The following SCIMP variants were observed in gnomAD, a reference collection of about 807,000 sequenced individuals.
The protein encoded by SCIMP is SLP adaptor and CSK interacting membrane protein, also known as SLP adapter and CSK-interacting membrane protein.
SCIMP carries 18 observed loss-of-function variants against 22.0 expected under a neutral mutation model. The ratio of observed to expected loss-of-function variants is 0.82; its 90% CI spans 0.56 to 1.21. The LOEUF (loss-of-function observed/expected upper bound fraction) is 1.21, where lower values mean the gene tolerates loss of function less well. SCIMP is among the 50% of genes most tolerant of loss of function. SCIMP has a pLI of 0.00. For missense variants in SCIMP, 155 were observed against 171.2 expected (o/e 0.91, Z 0.53); for synonymous variants, 53 against 62.2 (o/e 0.85, Z 0.70).
Position 5,209,517 on chromosome 17 carries a change from A to T in SCIMP, c.*1284T>A, listed in dbSNP as rs1166533068. On this transcript the variant is annotated 3_prime_UTR_variant, in exon 5 of 5. Transcript: ENST00000574081. ...GAGAAAGCTTGAAAATGGGAGGAAC[A>T]CATTTTCCCATCTCTTGAGGGAAAT... 2.0e-5 allele frequency: 3 copies of T among 152,258 alleles called. No homozygotes were observed. The East Asian group carries it at 5.8e-4, about 29-fold the overall frequency. 9.4% of individuals were successfully genotyped at this position (152,258 alleles called of 1,614,324 possible). A position where few individuals can be genotyped will look rare whatever the true frequency, so the allele number is the denominator to read the frequency against.
chr17:5,232,020 C>A (rs561525685), intron 1 of SCIMP, among the ~76,000 whole-genome samples: 9 of 151,864 alleles, frequency 5.9e-5, no homozygotes, highest in African/African-American at 1.9e-4. Flanking sequence ...TGCGCCACTG[C>A]ACTCCAGCCT....
chr17:5,231,850 C>G (rs571995878), intron 1 of SCIMP, among the ~76,000 whole-genome samples: 1 of 152,234 alleles, frequency 6.6e-6, no homozygotes, highest in African/African-American at 2.4e-5. Flanking sequence ...GTCAGGAGAT[C>G]AAGACCATCC....
chr17:5,225,024 A>C (rs1166705877), intron 1 of SCIMP, among the ~76,000 whole-genome samples: 1 of 152,318 alleles, frequency 6.6e-6, no homozygotes, highest in Non-Finnish European at 1.5e-5. Context: ...TCAAGAAGAG[A>C]GCACAAGTCA....
chr17:5,212,559 G>GGAAGC (rs2074533437), intron 4 of SCIMP, among the ~76,000 whole-genome samples: 2 of 152,022 alleles, frequency 1.3e-5, no homozygotes, highest in African/African-American at 4.8e-5. Flanking sequence ...GCATGAACTC[G>GGAAGC]GGAGGTGGAG....
At chr17:5,219,853 C>T (rs1342633095) in intron 3 of SCIMP, among the ~76,000 whole-genome samples, 4 of 152,150 alleles carry the variant, frequency 2.6e-5, no homozygotes, top group African/African-American at 9.7e-5. Context: ...TGAGGTTCTC[C>T]AGTCAGCAGT....
At position 5,229,358 on chromosome 17, in the gene SCIMP, A is replaced by T. The variant is rs115566205; in HGVS notation, c.21+5377T>A. 2.9e-3 allele frequency among the ~76,000 whole-genome samples: 410 copies of T among 140,788 alleles called. 5 individuals carry two copies. The highest frequency in any genetic ancestry group is 0.011 in the African/African-American group (391 of 37,166). The allele number at this position is 140,788 out of a possible 152,430, so 92.4% of individuals were successfully genotyped here. The stretch of plus-strand genomic sequence containing the variant: ...GAAATCACATTTTCCTTCACCAGGA[A>T]TTTCTGAGACTGTGGGTTTATTTAG... On this transcript the variant is annotated intron_variant, in intron 1 of 4. Coordinates refer to ENST00000574081, the MANE Select transcript of SCIMP (RefSeq NM_207103.3).
At chr17:5,212,594 A>C (rs945881361) in intron 4 of SCIMP, among the ~76,000 whole-genome samples, 21 of 152,208 alleles carry the variant, frequency 1.4e-4, no homozygotes, top group African/African-American at 5.1e-4. Flanking sequence ...AGATTGCGCC[A>C]CTGCACTCCA....
chr17:5,230,759 G>T (rs900323861), intron 1 of SCIMP, among the ~76,000 whole-genome samples: 3 of 151,718 alleles, frequency 2.0e-5, no homozygotes, highest in African/African-American at 7.3e-5. Flanking sequence ...TCTCTCTACT[G>T]AAAATAAAAA....
chr17:5,213,365 G>A (rs927677720), intron 4 of SCIMP: 3 of 389,718 alleles, frequency 7.7e-6, no homozygotes, highest in African/African-American at 2.2e-5. Context: ...CCCCACCTCA[G>A]CCTTCCAAGT....
At chr17:5,224,442 TTTTGTTTGTTTG>T (rs34816789) in intron 1 of SCIMP, among the ~76,000 whole-genome samples, 5,645 of 143,772 alleles carry the variant, frequency 0.039, 389 homozygotes, top group African/African-American at 0.14. Context: ...AGGCCAGTTT[TTTTGTTTGTTTG>T]TTTGTTTGTT....
At chr17:5,213,672 C>G (rs1051007094) in intron 4 of SCIMP, 1 of 152,054 alleles carries the variant, frequency 6.6e-6, no homozygotes, top group African/African-American at 2.4e-5. Context: ...TATGGTGAAA[C>G]CCCGTCTCTA....
chr17:5,213,228 C>T, intron 4 of SCIMP: 1 of 980,512 alleles, frequency 1.0e-6, no homozygotes, highest in East Asian at 1.1e-4. Flanking sequence ...TGCGTCGGTA[C>T]TTATGCTGCC....
chr17:5,212,901 A>C (rs986033978), intron 4 of SCIMP: 5 of 152,772 alleles, frequency 3.3e-5, no homozygotes, highest in African/African-American at 1.2e-4. Flanking sequence ...GGAGGAGATC[A>C]ATAATACATA....
chr17:5,232,417 G>A (rs1339289315), intron 1 of SCIMP, among the ~76,000 whole-genome samples: 1 of 142,834 alleles, frequency 7.0e-6, no homozygotes, highest in Non-Finnish European at 1.6e-5. Context: ...AGTGCAAACA[G>A]TGCAGTGTAA....
At position 5,221,317 on chromosome 17, in the gene SCIMP, T is replaced by C; in HGVS notation, c.179A>G (p.His60Arg). 1 of 1,613,768 alleles carries C rather than the reference T, an allele frequency of 6.2e-7. No individual in the cohort carries two copies. Among genetic ancestry groups the C allele is most frequent in the South Asian group, 1.1e-5 (1 of 91,074 alleles). ...KKWEIAKPLK[H>R]KQVDEEKMYE... ...CATCTTTTCTTCATCTACTTGCTTG[T>C]GTTTCAGGGGCTTGGCAATTTCCCA... Residue 60 changes from histidine (H) to arginine (R), a missense_variant, in exon 3 of 5, where the codon CAC (histidine) becomes CGC (arginine). Transcript: ENST00000574081.
chr17:5,225,166 A>G (rs1181280585), intron 1 of SCIMP, among the ~76,000 whole-genome samples: 2 of 152,198 alleles, frequency 1.3e-5, no homozygotes, highest in African/African-American at 2.4e-5. Flanking sequence ...CAAACCTCCA[A>G]TAAAACTGCA....
chr17:5,218,918 C>G (rs997178370), intron 3 of SCIMP, among the ~76,000 whole-genome samples: 5 of 152,288 alleles, frequency 3.3e-5, no homozygotes, highest in Middle Eastern at 6.8e-3. Context: ...TGCACCTCGC[C>G]CCAAGTGTAA....
chr17:5,223,306 C>T (rs2074622060), intron 2 of SCIMP, 27 bp downstream of exon 2: 1 of 1,612,614 alleles, frequency 6.2e-7, no homozygotes, highest in African/African-American at 1.3e-5. Flanking sequence ...CTCCTCCCTC[C>T]ACCTGCCTAG....
At chr17:5,221,790 C>T (rs2585275) in intron 2 of SCIMP, among the ~76,000 whole-genome samples, 1 of 151,910 alleles carries the variant, frequency 6.6e-6, no homozygotes, top group Non-Finnish European at 1.5e-5. Flanking sequence ...TTTCTCCCCC[C>T]AGACAGAGCC....
Sources: allele counts gnomAD v4.1 joint callset (sites outside exome capture counted in the v4.1 genomes callset), GRCh38; gene constraint gnomAD v4.1.1; transcripts MANE v1.5; gene names NCBI Gene and HGNC (gene_info 2026-07-23, HGNC 2026-07-21).